The following EIPR1 variants were observed in gnomAD, a reference collection of about 807,000 sequenced individuals.
EIPR1 encodes the protein EARP and GARP complex-interacting protein 1.
EIPR1 carries 25 observed loss-of-function variants against 48.1 expected under a neutral mutation model. That is an observed-to-expected ratio of 0.52 (90% CI 0.38 to 0.73). The LOEUF is 0.73. EIPR1 is among the 30% of genes least tolerant of loss of function. The pLI is 0.00. For missense variants in EIPR1, 415 were observed against 506.2 expected (o/e 0.82, Z 1.73); for synonymous variants, 204 against 201.9 (o/e 1.01, Z -0.09).
At chr2:3,232,117 G>C (rs1210877163) in intron 4 of EIPR1, among the ~76,000 whole-genome samples, 2 of 152,060 alleles carry the variant, frequency 1.3e-5, no homozygotes, top group Non-Finnish European at 2.9e-5. Flanking sequence ...ACGCATAATT[G>C]TTCACAGTAG....
intron 1 of EIPR1, among the ~76,000 whole-genome samples, chr2:3,360,404 CA>C (rs1386156001): frequency 0.01 from 1,299 of 127,154 alleles, 19 homozygotes; most frequent in African/African-American, 0.03. Flanking sequence ...GACTCCATCT[CA>C]AAAAAAAAAA....
chr2:3,262,446 T>C (rs1667362401), intron 3 of EIPR1, among the ~76,000 whole-genome samples: 1 of 152,198 alleles, frequency 6.6e-6, no homozygotes, highest in South Asian at 2.1e-4. Flanking sequence ...GAAAAGACGC[T>C]GTAATGCCTG....
chr2:3,374,365 C>A (rs1572496651), intron 1 of EIPR1, among the ~76,000 whole-genome samples: 1 of 151,736 alleles, frequency 6.6e-6, no homozygotes, highest in Non-Finnish European at 1.5e-5. Context: ...CAACAAAAGC[C>A]AAAATTGACA....
intron 3 of EIPR1, among the ~76,000 whole-genome samples, chr2:3,294,304 G>A (rs1379671123): frequency 6.8e-6 from 1 of 147,890 alleles, no homozygotes; most frequent in Non-Finnish European, 1.5e-5. Flanking sequence ...CCTCCATCCA[G>A]CCGATCCTCT....
intron 1 of EIPR1, among the ~76,000 whole-genome samples, chr2:3,370,212 G>C (rs1167320358): frequency 1.3e-5 from 2 of 152,126 alleles, no homozygotes; most frequent in Non-Finnish European, 2.9e-5. Flanking sequence ...CAAACAGAAA[G>C]GACATCCAAC....
At chr2:3,349,204 G>A (rs1026481829) in intron 2 of EIPR1, among the ~76,000 whole-genome samples, 2 of 152,224 alleles carry the variant, frequency 1.3e-5, no homozygotes, top group Non-Finnish European at 2.9e-5. Context: ...TTTCAGTCCC[G>A]ATTCTGCCAC....
chr2:3,263,169 G>A (rs1046155412), intron 3 of EIPR1, among the ~76,000 whole-genome samples: 1 of 152,212 alleles, frequency 6.6e-6, no homozygotes, highest in African/African-American at 2.4e-5. Context: ...GAGCATGGAG[G>A]GAAAGCTGAT....
intron 1 of EIPR1, among the ~76,000 whole-genome samples, chr2:3,364,566 C>T (rs1426770264): frequency 1.3e-5 from 2 of 150,928 alleles, no homozygotes; most frequent in Admixed American, 1.3e-4. Flanking sequence ...GCCTGGGAGG[C>T]AGAGGGTGCA....
Position 3,299,291 on chromosome 2 carries a change from G to A in EIPR1, c.259+38726C>T, listed in dbSNP as rs576887791. Among the ~76,000 whole-genome samples, 9 of 151,986 alleles carry A rather than the reference G, an allele frequency of 5.9e-5. No homozygotes were observed. In the South Asian group the frequency reaches 8.3e-4, roughly 14 times the overall value. On this transcript the variant is annotated intron_variant, in intron 3 of 8. Transcript: ENST00000382125. ...GGTCAGCTCATTGTCCTGGCCCCCC[G>A]TCCTGCCGTGCTCGGCCCTGGGTCA...
At chr2:3,334,031 A>T (rs1669973772) in intron 3 of EIPR1, among the ~76,000 whole-genome samples, 1 of 150,878 alleles carries the variant, frequency 6.6e-6, no homozygotes, top group Non-Finnish European at 1.5e-5. Context: ...AAACTAATGG[A>T]AACAAAAAGA....
In EIPR1 at chr2:3,377,729, A is replaced by G; in HGVS notation, c.-40T>C. The G allele has an allele frequency of 2.6e-6, 4 of 1,559,840 alleles. No homozygotes were observed. The highest frequency in any genetic ancestry group is 3.5e-6 in the Non-Finnish European group (4 of 1,151,286). ...ACCCGACCCCGGCCACTCACACGCT[A>G]AGGACCTCGCTACGGCCGGCGCGTC... On this transcript the variant is annotated 5_prime_UTR_variant, in exon 1 of 9. Transcript: ENST00000382125.
chr2:3,197,784 C>G (rs570207448), intron 5 of EIPR1, among the ~76,000 whole-genome samples: 1 of 152,230 alleles, frequency 6.6e-6, no homozygotes, highest in Non-Finnish European at 1.5e-5. Flanking sequence ...TCACACCTGC[C>G]CCCAAGTCCT....
At position 3,249,861 on chromosome 2, in the gene EIPR1, G is replaced by A. The variant is rs904898173; in HGVS notation, c.416+7438C>T. On this transcript the variant is annotated intron_variant, in intron 4 of 8. Coordinates refer to ENST00000382125, the MANE Select transcript of EIPR1 (RefSeq NM_003310.5). ...GGGGCCATAGGTACAGTTCCGGCAGGTGCAAGCTATATGCCCTGGCAACTT... is the reference window on the plus strand; with the variant it reads ...GGGGCCATAGGTACAGTTCCGGCAGATGCAAGCTATATGCCCTGGCAACTT... Among the ~76,000 whole-genome samples the A allele has an allele frequency of 2.6e-5, 4 of 152,348 alleles. No homozygotes were observed. In the South Asian group the frequency reaches 8.3e-4, roughly 32 times the overall value.
At position 3,194,007 on chromosome 2, in the gene EIPR1, G is replaced by A. The variant is rs1234678063; in HGVS notation, c.813C>T (p.His271=). 2.5e-6 allele frequency: 4 copies of A among 1,613,676 alleles called. No individual in the cohort carries two copies. The highest frequency in any genetic ancestry group is 1.7e-6 in the Non-Finnish European group (2 of 1,179,976). The change falls in exon 7 of 9, where the codon CAC becomes CAT. Residue 271 remains histidine, a synonymous_variant. Transcript: ENST00000382125. ...GCCAGGAGCGGCCCTACCAGTGGGA[G>A]TGCTCCTCCAGGGTCTTCACGGGTT... ...VTEPVKTLEE[H]SHWVWNVRYN...
chr2:3,240,546 C>A (rs1392515080), intron 4 of EIPR1, among the ~76,000 whole-genome samples: 3 of 132,724 alleles, frequency 2.3e-5, no homozygotes, highest in Non-Finnish European at 3.3e-5. Flanking sequence ...CCTCCTAAAG[C>A]AAAGCCAGTA....
At chr2:3,280,526 G>A (rs1385265222) in intron 3 of EIPR1, among the ~76,000 whole-genome samples, 1 of 152,168 alleles carries the variant, frequency 6.6e-6, no homozygotes, top group Non-Finnish European at 1.5e-5. Context: ...CAGGGGAAGA[G>A]GGGCTCTGGC....
At chr2:3,290,785 C>A (rs181884446) in intron 3 of EIPR1, among the ~76,000 whole-genome samples, 2 of 152,186 alleles carry the variant, frequency 1.3e-5, no homozygotes, top group African/African-American at 4.8e-5. Context: ...AATGGACCGT[C>A]GGTCATCTGG....
In EIPR1 at chr2:3,192,450, T is replaced by TC; in HGVS notation, c.952dup (p.Asp318GlyfsTer4). ...ACGGTGGTCCTCCTGGTCACTGATG[T>TC]CATCGTCGTCTACCAAGTGGCCGAA... On this transcript the variant is annotated frameshift_variant, in exon 8 of 9. Transcript: ENST00000382125. LOFTEE classifies it high-confidence loss of function. 1 of 1,612,768 alleles carries TC rather than the reference T, an allele frequency of 6.2e-7. No individual in the cohort carries two copies.
intron 3 of EIPR1, among the ~76,000 whole-genome samples, chr2:3,266,209 T>C (rs992500201): frequency 6.6e-6 from 1 of 152,210 alleles, no homozygotes; most frequent in African/African-American, 2.4e-5. Flanking sequence ...ATGCCCTGCC[T>C]GGGGGACATA....
Sources: gnomAD v4.1 joint callset for allele counts (sites outside exome capture counted in the v4.1 genomes callset) on GRCh38, gnomAD v4.1.1 for gene constraint, MANE v1.5 for transcripts, NCBI Gene and HGNC (gene_info 2026-07-23, HGNC 2026-07-21) for gene names.